Variants in CHL1 observed in about 807,000 individuals in gnomAD.
CHL1 encodes the protein neural cell adhesion molecule L1-like protein.
In CHL1, 96 loss-of-function variants were observed where a neutral mutation model predicts 141.9. The observed-to-expected ratio is 0.68, with a 90% CI of 0.57 to 0.80. The LOEUF (loss-of-function observed/expected upper bound fraction) is 0.80. CHL1 is among the 30% of genes least tolerant of loss of function. The pLI is 0.00. For missense variants in CHL1, 1,820 were observed against 1,457.2 expected, an observed-to-expected ratio of 1.25 and a Z score of -4.05; for synonymous variants, 613 against 502.2, an observed-to-expected ratio of 1.22 and a Z score of -2.95.
At chr3:316,955 G>T (rs1050472929) in intron 2 of CHL1, among the ~76,000 whole-genome samples, 1 of 151,952 alleles carries the variant, frequency 6.6e-6, no homozygotes, top group African/African-American at 2.4e-5. Context: ...GAATTCCTAA[G>T]AAACATACCC....
At chr3:316,500 G>A (rs544480425) in intron 2 of CHL1, among the ~76,000 whole-genome samples, 148 of 151,868 alleles carry the variant, frequency 9.7e-4, no homozygotes, top group Non-Finnish European at 1.9e-3. Flanking sequence ...AGCTACGATC[G>A]TAGGAATTAA....
chr3:209,430 T>C (rs1466029724), intron 1 of CHL1, among the ~76,000 whole-genome samples: 2 of 152,160 alleles, frequency 1.3e-5, no homozygotes, highest in East Asian at 3.9e-4. Flanking sequence ...GAAATTATTT[T>C]AAAATAAAAA....
At chr3:281,737 T>C (rs891849356) in intron 2 of CHL1, among the ~76,000 whole-genome samples, 7 of 152,030 alleles carry the variant, frequency 4.6e-5, no homozygotes, top group Non-Finnish European at 8.8e-5. Flanking sequence ...TTTTTGTATT[T>C]TTAGTAGAGA....
intron 1 of CHL1, among the ~76,000 whole-genome samples, chr3:198,294 G>A (rs1698575981): frequency 6.6e-6 from 1 of 151,996 alleles, no homozygotes; most frequent in Admixed American, 6.6e-5. Context: ...GCTCGTGGGA[G>A]CCGCGGAGCA....
At chr3:339,874 C>G (rs972493597) in intron 5 of CHL1, among the ~76,000 whole-genome samples, 1 of 152,182 alleles carries the variant, frequency 6.6e-6, no homozygotes, top group Non-Finnish European at 1.5e-5. Flanking sequence ...TAAATACCTT[C>G]TAATGAATTC....
chr3:315,833 A>G (rs531440125), intron 2 of CHL1, among the ~76,000 whole-genome samples: 1 of 152,132 alleles, frequency 6.6e-6, no homozygotes, highest in South Asian at 2.1e-4. Context: ...ATGGACACAT[A>G]TGAGGAGTTT....
chr3:230,790 C>T (rs950238646), intron 1 of CHL1, among the ~76,000 whole-genome samples: 20 of 152,246 alleles, frequency 1.3e-4, no homozygotes, highest in African/African-American at 4.8e-4. Context: ...CTCTACTAAG[C>T]AATTACACTA....
chr3:399,158 T>C lies in CHL1; in HGVS notation c.3385+10T>C, dbSNP rs773441697. 4 of 1,601,600 alleles carry C rather than the reference T, an allele frequency of 2.5e-6. No individual in the cohort carries two copies. The South Asian group carries it at 3.3e-5, about 13-fold the overall frequency. On this transcript the variant is annotated intron_variant, in intron 26 of 27. Transcript: ENST00000256509. ...GGTGGAAAGTACTCAGGTAAAATTG[T>C]TTCTTAATGTGATTTTCAACTTATT...
intron 25 of CHL1, 119 bp downstream of exon 25, chr3:398,504 G>A (rs945515891): frequency 6.0e-5 from 34 of 562,768 alleles, no homozygotes; most frequent in Admixed American, 4.7e-4. Flanking sequence ...TATGAAAATC[G>A]TAATTTCAAT....
chr3:393,088 C>A (rs1708370524), intron 23 of CHL1, among the ~76,000 whole-genome samples: 1 of 151,956 alleles, frequency 6.6e-6, no homozygotes, highest in African/African-American at 2.4e-5. Context: ...AAAAAATTAT[C>A]CAGGCGTGGT....
chr3:358,965 A>C (rs889998280), intron 11 of CHL1, among the ~76,000 whole-genome samples: 2 of 145,726 alleles, frequency 1.4e-5, no homozygotes, highest in African/African-American at 5.0e-5. Context: ...ATATATATAA[A>C]ATATATGTTA....
At chr3:241,840 A>G (rs996514519) in intron 1 of CHL1, among the ~76,000 whole-genome samples, 2 of 147,664 alleles carry the variant, frequency 1.4e-5, no homozygotes, top group African/African-American at 2.5e-5. Context: ...AGGGACTTTG[A>G]AAAAAAAACA....
intron 2 of CHL1, among the ~76,000 whole-genome samples, chr3:268,145 A>G (rs1037873840): frequency 6.6e-6 from 1 of 152,234 alleles, no homozygotes; most frequent in Non-Finnish European, 1.5e-5. Flanking sequence ...AGATTTCTAA[A>G]ACTCTGTAGT....
intron 1 of CHL1, among the ~76,000 whole-genome samples, chr3:224,108 G>C (rs1559294815): frequency 6.6e-6 from 1 of 152,144 alleles, no homozygotes; most frequent in Admixed American, 6.5e-5. Context: ...CATCCTAATA[G>C]AGTTCAGGCC....
At chr3:320,731 C>A (rs371652700) in intron 3 of CHL1, among the ~76,000 whole-genome samples, 98 of 152,028 alleles carry the variant, frequency 6.4e-4, no homozygotes, top group African/African-American at 2.2e-3. Context: ...AATCTGCAAA[C>A]AGAACATATG....
intron 11 of CHL1, among the ~76,000 whole-genome samples, chr3:359,462 C>T (rs1429530475): frequency 6.6e-6 from 1 of 152,044 alleles, no homozygotes; most frequent in Non-Finnish European, 1.5e-5. Flanking sequence ...ACCACCACAC[C>T]TGGCTGATTT....
At chr3:319,501 C>T (rs1575056482) in intron 2 of CHL1, among the ~76,000 whole-genome samples, 182 bp from the exon 3 acceptor site, 1 of 147,486 alleles carries the variant, frequency 6.8e-6, no homozygotes. Flanking sequence ...ATTCGCTGTC[C>T]TTTATTTTAC....
chr3:367,347 C>G (rs1196484305), intron 15 of CHL1, among the ~76,000 whole-genome samples: 3 of 152,188 alleles, frequency 2.0e-5, no homozygotes, highest in Non-Finnish European at 2.9e-5. Flanking sequence ...GACAGCAACA[C>G]TGCCATGGGT....
Position 377,836 on chromosome 3 carries a change from T to C in CHL1, c.1770T>C (p.Ala590=), listed in dbSNP as rs1706530174. The part of the protein sequence containing the change: ...TEDGRIIIDG[A]NLTISNVTLE... ...CTGATAGGATAATTATTGATGGAGC[T>C]AATTTGACCATATCTAATGTAACTT... The change falls in exon 16 of 28, where the codon GCT becomes GCC. Residue 590 remains alanine (A), a synonymous_variant. Coordinates refer to ENST00000256509, the MANE Select transcript of CHL1 (RefSeq NM_006614.4). 6.2e-7 allele frequency: 1 copy of C among 1,608,544 alleles called. No homozygotes were observed. The highest frequency in any genetic ancestry group is 1.3e-5 in the African/African-American group (1 of 74,796).
Sources: allele counts gnomAD v4.1 joint callset (sites outside exome capture counted in the v4.1 genomes callset), GRCh38; gene constraint gnomAD v4.1.1; transcripts MANE v1.5; gene names NCBI Gene and HGNC (gene_info 2026-07-23, HGNC 2026-07-21).